PDZD2: variants seen among roughly 807,000 people sequenced by gnomAD.
PDZD2 encodes PDZ domain-containing protein 2.
PDZD2 carries 90 observed loss-of-function variants against 220.7 expected under a neutral mutation model. That is an observed-to-expected ratio of 0.41 (90% CI 0.34 to 0.49). PDZD2 has a LOEUF of 0.49. PDZD2 is among the 20% of genes least tolerant of loss of function. The pLI is 0.28. For missense variants in PDZD2, 3,174 were observed against 3,608.5 expected (o/e 0.88, Z 3.08); for synonymous variants, 1,375 against 1,450.5 (o/e 0.95, Z 1.18).
chr5:31,899,217 G>A (rs530560803), intron 2 of PDZD2, among the ~76,000 whole-genome samples: 100 of 151,906 alleles, frequency 6.6e-4, no homozygotes, highest in African/African-American at 2.2e-3. Flanking sequence ...AGCAACATCC[G>A]CCTCCTGGGT....
At chr5:31,790,867 T>A (rs576343517) in intron 1 of PDZD2, among the ~76,000 whole-genome samples, 22 of 151,542 alleles carry the variant, frequency 1.5e-4, no homozygotes, top group Admixed American at 6.6e-5. Context: ...CCCAGCTAAT[T>A]TTTTGTATTT....
intron 2 of PDZD2, among the ~76,000 whole-genome samples, chr5:31,970,680 G>T (rs982997414): frequency 6.6e-6 from 1 of 151,608 alleles, no homozygotes; most frequent in African/African-American, 2.4e-5. Flanking sequence ...AAAAAAAAAA[G>T]AGTGACAATA....
intron 2 of PDZD2, 109 bp downstream of exon 2, chr5:31,799,833 C>A: frequency 1.4e-6 from 1 of 725,254 alleles, no homozygotes; most frequent in Non-Finnish European, 2.4e-6. Flanking sequence ...AAGCTGATGG[C>A]ATAAGAAATG....
intron 2 of PDZD2, among the ~76,000 whole-genome samples, chr5:31,977,211 C>G (rs1186340561): frequency 6.6e-6 from 1 of 152,086 alleles, no homozygotes; most frequent in Non-Finnish European, 1.5e-5. Context: ...TTGGCAGTAC[C>G]CGCCATGGGT....
intron 2 of PDZD2, among the ~76,000 whole-genome samples, chr5:31,806,645 G>A (rs1643911428): frequency 6.6e-6 from 1 of 152,128 alleles, no homozygotes; most frequent in Non-Finnish European, 1.5e-5. Context: ...TCCACTCTGG[G>A]GACTTTCTGG....
intron 1 of PDZD2, chr5:31,744,106 T>C (rs1750438447): frequency 6.6e-6 from 1 of 152,168 alleles, no homozygotes; most frequent in Non-Finnish European, 1.5e-5. Context: ...CTTTCTGAGG[T>C]GGTTACTTTC....
chr5:31,822,146 A>C (rs1286824846), intron 2 of PDZD2, among the ~76,000 whole-genome samples: 1 of 152,202 alleles, frequency 6.6e-6, no homozygotes, highest in Non-Finnish European at 1.5e-5. Context: ...ATAGTGCTGC[A>C]ATAAACATAT....
chr5:31,850,341 G>A (rs970344208), intron 2 of PDZD2, among the ~76,000 whole-genome samples: 6 of 135,558 alleles, frequency 4.4e-5, no homozygotes, highest in African/African-American at 7.6e-5. Context: ...GAAAACAAAG[G>A]TCCGATGTTT....
At position 31,956,336 on chromosome 5, in the gene PDZD2, G is replaced by GTTTT. The variant is rs71598912; in HGVS notation, c.477-26806_477-26803dup. 4.9e-3 allele frequency among the ~76,000 whole-genome samples: 648 copies of GTTTT among 133,436 alleles called. 10 individuals are homozygous for GTTTT. The highest frequency in any genetic ancestry group is 8.5e-3 in the South Asian group (35 of 4,108). The allele number at this position is 133,436 out of a possible 152,430, so 87.5% of individuals were successfully genotyped here. On this transcript the variant is annotated intron_variant, in intron 2 of 24. Transcript: ENST00000438447. ...ACAGAAAAGATCAATGAAACTAAGAGTTTTTTTTTTTTTTTTGAAAAGATA... is the reference window on the plus strand; with the variant it reads ...ACAGAAAAGATCAATGAAACTAAGAGTTTTTTTTTTTTTTTTTTTTGAAAAGATA...
At position 32,057,906 on chromosome 5, in the gene PDZD2, C is replaced by T. The variant is rs375591884; in HGVS notation, c.2003C>T (p.Thr668Met). 5.7e-6 allele frequency: 9 copies of T among 1,577,194 alleles called. No individual in the cohort carries two copies. The highest frequency in any genetic ancestry group is 1.7e-5 in the Admixed American group (1 of 58,606). ...KQIRSGLFVL[T>M]VRTKLVSPSL... Reference sequence around the variant, plus strand: ...ATCCGGAGTGGATTATTTGTTTTAACGGTACGCACAAAGTTGGTGAGCCCC... The same window carrying T: ...ATCCGGAGTGGATTATTTGTTTTAATGGTACGCACAAAGTTGGTGAGCCCC... The change falls in exon 12 of 25, where the codon ACG (threonine) becomes ATG (methionine). Residue 668 changes from threonine (T) to methionine (M), a missense_variant. Physicochemically the swap from Thr to Met is moderately conservative, Grantham distance 81 (BLOSUM62 -1). Coordinates refer to ENST00000438447, the MANE Select transcript of PDZD2 (RefSeq NM_178140.4).
intron 1 of PDZD2, among the ~76,000 whole-genome samples, chr5:31,763,333 C>G (rs981470995): frequency 5.3e-5 from 8 of 152,114 alleles, no homozygotes; most frequent in Non-Finnish European, 1.2e-4. Flanking sequence ...CTAGCCAGTC[C>G]CCAGCATGCG....
intron 1 of PDZD2, among the ~76,000 whole-genome samples, chr5:31,772,044 G>C (rs2150198763): frequency 6.6e-6 from 1 of 152,270 alleles, no homozygotes; most frequent in South Asian, 2.1e-4. Flanking sequence ...GAGCAGGATT[G>C]GGCATGATGG....
At chr5:31,754,652 G>A (rs1477676688) in intron 1 of PDZD2, 1 of 151,916 alleles carries the variant, frequency 6.6e-6, no homozygotes, top group Non-Finnish European at 1.5e-5. Flanking sequence ...CTTTTCTTTG[G>A]TCTCCTTGAG....
At chr5:31,723,214 G>A (rs1054878693) in intron 1 of PDZD2, among the ~76,000 whole-genome samples, 8 of 152,168 alleles carry the variant, frequency 5.3e-5, no homozygotes, top group Non-Finnish European at 8.8e-5. Context: ...CTTTACAGGC[G>A]AAGCCTAGAT....
intron 18 of PDZD2, among the ~76,000 whole-genome samples, chr5:32,076,158 C>T (rs1741263675): frequency 1.3e-5 from 2 of 151,992 alleles, no homozygotes; most frequent in Admixed American, 6.6e-5. Context: ...TGGTGGTGTG[C>T]ACCTGTAATC....
At chr5:31,861,363 T>G (rs755557371) in intron 2 of PDZD2, among the ~76,000 whole-genome samples, 13 of 152,358 alleles carry the variant, frequency 8.5e-5, no homozygotes, top group Non-Finnish European at 1.5e-4. Context: ...ATGCATCGCT[T>G]ATCTCCAAAA....
chr5:31,678,155 C>T (rs1746513975), intron 1 of PDZD2, among the ~76,000 whole-genome samples: 1 of 152,298 alleles, frequency 6.6e-6, no homozygotes, highest in East Asian at 1.9e-4. Context: ...TAGGGCAGGC[C>T]TTGTGTGTTG....
At chr5:31,880,569 A>C (rs1414474678) in intron 2 of PDZD2, among the ~76,000 whole-genome samples, 2 of 152,138 alleles carry the variant, frequency 1.3e-5, no homozygotes, top group Non-Finnish European at 2.9e-5. Context: ...GATCTGCAGG[A>C]ACCCTATTTT....
intron 1 of PDZD2, among the ~76,000 whole-genome samples, chr5:31,775,567 A>C (rs1366037053): frequency 1.3e-5 from 2 of 152,002 alleles, no homozygotes; most frequent in African/African-American, 4.8e-5. Flanking sequence ...TGTTTGGCCC[A>C]AGTCAAACCT....
Sources: gnomAD v4.1 joint callset for allele counts (sites outside exome capture counted in the v4.1 genomes callset) on GRCh38, gnomAD v4.1.1 for gene constraint, MANE v1.5 for transcripts, NCBI Gene and HGNC (gene_info 2026-07-23, HGNC 2026-07-21) for gene names.